The following CAD variants were observed in gnomAD, a reference collection of about 807,000 sequenced individuals.
The protein encoded by CAD is carbamoyl-phosphate synthetase 2, aspartate transcarbamylase, and dihydroorotase.
In CAD, 81 loss-of-function variants were observed where a neutral mutation model predicts 237.2. The observed-to-expected ratio is 0.34, with a 90% CI of 0.29 to 0.41. The LOEUF is 0.41. Among genes scored for constraint, CAD ranks in the 10% least tolerant of loss-of-function variants. CAD has a pLI of 1.00. For missense variants in CAD, 2,181 were observed against 2,951.7 expected (o/e 0.74, Z 6.05); for synonymous variants, 1,196 against 1,162.8 (o/e 1.03, Z -0.58).
Position 27,241,901 on chromosome 2 carries a change from C to G in CAD, c.5884-10C>G, listed in dbSNP as rs765681490. 3.1e-6 allele frequency: 5 copies of G among 1,609,834 alleles called. No individual in the cohort carries two copies. The South Asian group carries it at 4.4e-5, about 14-fold the overall frequency. ...GCATACGTACACCTTCCATCTTGCT[C>G]TTTCCCTAGGGGAAGGTCATGGCCT... On this transcript the variant is annotated splice_polypyrimidine_tract_variant and intron_variant, in intron 38 of 43. Transcript: ENST00000264705. This position sits in a 1 kb window ranked among gnomAD's most constrained non-coding sequence, Gnocchi z 4.6.
intron 3 of CAD, among the ~76,000 whole-genome samples, chr2:27,221,885 C>A (rs942187329): frequency 2.9e-5 from 4 of 139,952 alleles, no homozygotes; most frequent in Non-Finnish European, 6.1e-5. Context: ...GGTCATTTTT[C>A]CTGTATCTAG....
In CAD at chr2:27,235,647, G is replaced by A. The variant is rs1558539895; in HGVS notation, c.4074+7G>A. Reference sequence around the variant, plus strand: ...CACTGAGCATGGCGTCAAGGTGCAGGAACTCTGGCAACCTACCCCACTGCT... The same window carrying A: ...CACTGAGCATGGCGTCAAGGTGCAGAAACTCTGGCAACCTACCCCACTGCT... On this transcript the variant is annotated splice_region_variant and intron_variant, in intron 25 of 43. Transcript: ENST00000264705. The surrounding 1 kb of genome is among the most constrained non-coding windows in gnomAD (Gnocchi z 5.2). 1 of 1,612,716 alleles carries A rather than the reference G, an allele frequency of 6.2e-7. No homozygotes were observed.
At position 27,226,272 on chromosome 2, in the gene CAD, G is replaced by A. The variant is rs147722428; in HGVS notation, c.1984G>A (p.Val662Ile). 454 of 1,614,112 alleles carry A rather than the reference G, an allele frequency of 2.8e-4. No individual in the cohort carries two copies. Among genetic ancestry groups the A allele is most frequent in the Non-Finnish European group, 3.7e-4 (442 of 1,180,042 alleles). ...CAAGGTGACCCAGCACCTGGGAATT[G>A]TTGGGGAGTGCAATGTGCAGTATGC... Reference protein sequence around the residue: ...AIKVTQHLGIVGECNVQYALN... With the variant: ...AIKVTQHLGIIGECNVQYALN... The change falls in exon 13 of 44, where the codon GTT becomes ATT. Residue 662 changes from valine (V) to isoleucine (I), a missense_variant. Around this residue, in one of 12 missense-constraint regions of CAD, gnomAD observed 385 missense variants for 535.1 expected, o/e 0.72. Transcript: ENST00000264705.
chr2:27,220,658 A>G (rs76875988), intron 2 of CAD, among the ~76,000 whole-genome samples: 1 of 128,180 alleles, frequency 7.8e-6, no homozygotes. Context: ...CCCTGTCTCA[A>G]AAAAAAAAAA....
In CAD at chr2:27,241,382, C is replaced by G. The variant is rs1438077733; in HGVS notation, c.5869C>G (p.Leu1957Val). ...TATGATGGTGCAGAAGGAGCGGAGC[C>G]TCGACATCCTGAAGGTCAGGATCAG... ...LRMMVQKERS[L>V]DILKGKVMAS... The change falls in exon 38 of 44, where the codon CTC (leucine) becomes GTC (valine). Residue 1957 changes from leucine (L) to valine (V), a missense_variant. Leu to Val is a conservative substitution (Grantham distance 32). Coordinates refer to ENST00000264705, the MANE Select transcript of CAD (RefSeq NM_004341.5). The surrounding 1 kb of genome is among the most constrained non-coding windows in gnomAD (Gnocchi z 4.6). 6.2e-7 allele frequency: 1 copy of G among 1,614,202 alleles called. No individual in the cohort carries two copies.
At position 27,231,967 on chromosome 2, in the gene CAD, C is replaced by T. The variant is rs374170199; in HGVS notation, c.2401-13C>T. 64 of 1,614,008 alleles carry T rather than the reference C, an allele frequency of 4.0e-5. No individual in the cohort carries two copies. The highest frequency in any genetic ancestry group is 5.3e-5 in the Non-Finnish European group (62 of 1,180,006). ...TGGCAGTAGCTTCCGTCTGTCTACCCCCTTTCTATCAGGAGTTGGAGACTC... is the reference window on the plus strand; with the variant it reads ...TGGCAGTAGCTTCCGTCTGTCTACCTCCTTTCTATCAGGAGTTGGAGACTC... On this transcript the variant is annotated splice_polypyrimidine_tract_variant and intron_variant, in intron 16 of 43. Coordinates refer to ENST00000264705, the MANE Select transcript of CAD (RefSeq NM_004341.5).
At chr2:27,231,420 C>A in intron 15 of CAD, 48 bp from the exon 16 acceptor site, 1 of 1,096,660 alleles carries the variant, frequency 9.1e-7, no homozygotes, top group Non-Finnish European at 1.4e-6. Flanking sequence ...GCCTTCTTCC[C>A]ACCCCTTCCA....
At position 27,236,670 on chromosome 2, in the gene CAD, G is replaced by C; in HGVS notation, c.4315-79G>C. ...GGTGGGTATAGAGTGTGCAGAGCCT[G>C]GTTTATGGGAAAACCACATCTCTCC... On this transcript the variant is annotated intron_variant, in intron 26 of 43. Coordinates refer to ENST00000264705, the MANE Select transcript of CAD (RefSeq NM_004341.5). The surrounding 1 kb of genome is among the most constrained non-coding windows in gnomAD (Gnocchi z 4.1). 6.4e-7 allele frequency: 1 copy of C among 1,558,982 alleles called. No homozygotes were observed. Among genetic ancestry groups the C allele is most frequent in the African/African-American group, 1.4e-5 (1 of 73,784 alleles).
At position 27,241,328 on chromosome 2, in the gene CAD, C is replaced by T. The variant is rs1676304854; in HGVS notation, c.5815C>T (p.His1939Tyr). 6.2e-7 allele frequency: 1 copy of T among 1,614,064 alleles called. No individual in the cohort carries two copies. Among genetic ancestry groups the T allele is most frequent in the Non-Finnish European group, 8.5e-7 (1 of 1,180,044 alleles). Residue 1939 changes from histidine (H) to tyrosine (Y), a missense_variant, in exon 38 of 44, where the codon CAC (histidine) becomes TAC (tyrosine). Transcript: ENST00000264705. The surrounding 1 kb of genome is among the most constrained non-coding windows in gnomAD (Gnocchi z 4.6). ...AACTTGGGCTCTTTCTTAGATGTCT[C>T]ACCTGTTCAATGTGGCACACACACT... Reference protein sequence around the residue: ...VQQFTKDQMSHLFNVAHTLRM... With the variant: ...VQQFTKDQMSYLFNVAHTLRM...
chr2:27,239,368 TGCCCTTCTCCAAG>T lies in CAD; in HGVS notation c.5296_5308del (p.Phe1766ThrfsTer10), dbSNP rs1019263242. On this transcript the variant is annotated frameshift_variant, in exon 33 of 44. Transcript: ENST00000264705. LOFTEE classifies it high-confidence loss of function. The surrounding 1 kb of genome is among the most constrained non-coding windows in gnomAD (Gnocchi z 4.0). ...CATGAGTGGACAATTCCCAGCCACA[TGCCCTTCTCCAAG>T]GCCCACTGGACACCTTTTGAAGGGC... is the stretch of plus-strand genomic sequence containing the variant. 6.2e-6 allele frequency: 10 copies of T among 1,613,936 alleles called. No individual in the cohort carries two copies. The highest frequency in any genetic ancestry group is 4.0e-5 in the African/African-American group (3 of 74,914).
In CAD at chr2:27,234,026, G is replaced by C. The variant is rs988886378; in HGVS notation, c.3418G>C (p.Val1140Leu). 1 of 1,613,810 alleles carries C rather than the reference G, an allele frequency of 6.2e-7. No homozygotes were observed. Among genetic ancestry groups the C allele is most frequent in the African/African-American group, 1.3e-5 (1 of 74,916 alleles). The change falls in exon 22 of 44, where the codon GTG becomes CTG. Residue 1140 changes from valine to leucine, a missense_variant. Around this residue, in one of 12 missense-constraint regions of CAD, gnomAD observed 306 missense variants for 607.9 expected, o/e 0.50. Coordinates refer to ENST00000264705, the MANE Select transcript of CAD (RefSeq NM_004341.5). Reference sequence around the variant, plus strand: ...CCGCTAGGAGATTGACGTGGATGCCGTGGCCTCTGATGGTGTGGTGGCAGC... The same window carrying C: ...CCGCTAGGAGATTGACGTGGATGCCCTGGCCTCTGATGGTGTGGTGGCAGC... ...QEAKEIDVDA[V>L]ASDGVVAAIA...
In CAD at chr2:27,232,550, C is replaced by T. The variant is rs140011289; in HGVS notation, c.2748C>T (p.Tyr916=). The T allele has an allele frequency of 9.4e-3, 15,236 of 1,614,152 alleles. 116 individuals are homozygous for T. The highest frequency in any genetic ancestry group is 0.01 in the Non-Finnish European group (12,219 of 1,180,008). The part of the protein sequence containing the change: ...VAAEWPAQTN[Y]LYLTYWGTTH... ...CTGAGTGGCCAGCCCAGACAAATTA[C>T]CTATACCTAACGTATTGGGGCACCA... The change falls in exon 18 of 44, where the codon TAC becomes TAT. Residue 916 remains tyrosine (Y), a synonymous_variant. Transcript: ENST00000264705. This position sits in a 1 kb window ranked among gnomAD's most constrained non-coding sequence, Gnocchi z 4.1.
chr2:27,225,968 T>C (rs759857654), intron 12 of CAD, 42 bp downstream of exon 12: 1 of 1,590,506 alleles, frequency 6.3e-7, no homozygotes, highest in East Asian at 2.2e-5. Flanking sequence ...TCAGGCAGGA[T>C]GAGCTTTTGG....
rs1035302797 is a variant in CAD, at chr2:27,239,982, T to C, written c.5496+184T>C. On this transcript the variant is annotated intron_variant, in intron 34 of 43. Transcript: ENST00000264705. This position sits in a 1 kb window ranked among gnomAD's most constrained non-coding sequence, Gnocchi z 4.0. ...CAGGCCAGATGTGGTGGCTCACACT[T>C]GTAATCCCAGCACTTTGGGAGGCCA... The C allele has an allele frequency of 1.7e-6, 1 of 598,266 alleles. No homozygotes were observed. Among genetic ancestry groups the C allele is most frequent in the Non-Finnish European group, 2.9e-6 (1 of 347,228 alleles). 37.1% of individuals were successfully genotyped at this position (598,266 alleles called of 1,614,324 possible). A position where few individuals can be genotyped will look rare whatever the true frequency, so the allele number is the denominator to read the frequency against.
At chr2:27,223,825 G>C in intron 7 of CAD, 77 bp downstream of exon 7, 1 of 1,565,438 alleles carries the variant, frequency 6.4e-7, no homozygotes, top group Non-Finnish European at 8.8e-7. Flanking sequence ...GCACGGCAGT[G>C]GATCCGAGTC....
At chr2:27,225,359 T>C in intron 11 of CAD, 116 bp downstream of exon 11, 1 of 637,572 alleles carries the variant, frequency 1.6e-6, no homozygotes. Context: ...CAGGCTGGAG[T>C]ACAGTGGCGT....
At position 27,217,389 on chromosome 2, in the gene CAD, A is replaced by C; in HGVS notation, c.-163A>C. ...GCCGCAGTCTCTGCTGCTGCCGCCA[A>C]GCGCGCCCGAGGCTCCTACGCTGCC... On this transcript the variant is annotated 5_prime_UTR_variant, in exon 1 of 44. Transcript: ENST00000264705. The C allele has an allele frequency of 1.5e-6, 1 of 648,542 alleles. No individual in the cohort carries two copies. The highest frequency in any genetic ancestry group is 2.7e-6 in the Non-Finnish European group (1 of 364,812). The allele number at this position is 648,542 out of a possible 1,614,324, so 40.2% of individuals were successfully genotyped here.
chr2:27,237,707 A>T lies in CAD; in HGVS notation c.4564-11A>T. ...GTGCCAGTGAGCCTTACCTCTGTGTATCCTCTCCAGCTGGCAGAGGCTGGC... is the reference window on the plus strand; with the variant it reads ...GTGCCAGTGAGCCTTACCTCTGTGTTTCCTCTCCAGCTGGCAGAGGCTGGC... On this transcript the variant is annotated splice_polypyrimidine_tract_variant and intron_variant, in intron 28 of 43. Coordinates refer to ENST00000264705, the MANE Select transcript of CAD (RefSeq NM_004341.5). The surrounding 1 kb of genome is among the most constrained non-coding windows in gnomAD (Gnocchi z 4.0). The T allele has an allele frequency of 6.2e-7, 1 of 1,610,010 alleles. No homozygotes were observed.
chr2:27,242,909 C>G lies in CAD; in HGVS notation c.6416C>G (p.Thr2139Ser). The G allele has an allele frequency of 6.2e-7, 1 of 1,613,902 alleles. No homozygotes were observed. The highest frequency in any genetic ancestry group is 8.5e-7 in the Non-Finnish European group (1 of 1,179,792). Residue 2139 changes from threonine to serine, a missense_variant, in exon 42 of 44, where the codon ACT (threonine) becomes AGT (serine). Physicochemically the swap from Thr to Ser is moderately conservative, Grantham distance 58. Transcript: ENST00000264705. This position sits in a 1 kb window ranked among gnomAD's most constrained non-coding sequence, Gnocchi z 6.4. ...AGCATTGAGGAGGCGCTGCCTGACA[C>G]TGATGTGCTCTACATGACTCGAATC... ...FESIEEALPDTDVLYMTRIQK... is the reference protein window; with the variant it reads ...FESIEEALPDSDVLYMTRIQK...
Sources: allele counts gnomAD v4.1 joint callset (sites outside exome capture counted in the v4.1 genomes callset), GRCh38; gene constraint gnomAD v4.1.1; regional missense constraint gnomAD v4.1.1; non-coding constraint Gnocchi (gnomAD v3.1); transcripts MANE v1.5; gene names NCBI Gene and HGNC (gene_info 2026-07-23, HGNC 2026-07-21).